The following PRDX1 variants were observed in gnomAD, a reference collection of about 807,000 sequenced individuals.
The protein encoded by PRDX1 is peroxiredoxin-1.
A neutral mutation model predicts 20.7 loss-of-function variants in PRDX1; 19 were observed. The ratio of observed to expected loss-of-function variants is 0.92; its 90% CI spans 0.64 to 1.35. The LOEUF (loss-of-function observed/expected upper bound fraction) is 1.35. Ranked by LOEUF, PRDX1 falls within the 40% of genes most tolerant of loss-of-function variation. PRDX1 has a pLI of 0.00. For synonymous variants in PRDX1, 89 were observed against 83.9 expected (o/e 1.06, Z -0.33); for missense variants, 226 against 240.0 (o/e 0.94, Z 0.38).
At chr1:45,515,368 G>C (rs1018045190) in intron 3 of PRDX1, among the ~76,000 whole-genome samples, 3 of 152,116 alleles carry the variant, frequency 2.0e-5, no homozygotes, top group Non-Finnish European at 4.4e-5. Flanking sequence ...GGGAGGCTGA[G>C]GTGGGCAGAT....
chr1:45,521,691 GGGCCTCCCCC>G (rs1643915034), intron 1 of PRDX1, 128 bp downstream of exon 1: 3 of 152,410 alleles, frequency 2.0e-5, no homozygotes, highest in African/African-American at 7.2e-5. Context: ...CTCGGACTCC[GGGCCTCCCCC>G]GGCTGCCTCA....
intron 4 of PRDX1, 31 bp from the exon 5 acceptor site, chr1:45,514,668 C>T (rs750255896): frequency 8.1e-6 from 13 of 1,611,880 alleles, no homozygotes; most frequent in Non-Finnish European, 1.1e-5. Flanking sequence ...AAAAGCAATA[C>T]AGGTTTAGAG....
chr1:45,513,868 A>T (rs1643805378), intron 5 of PRDX1, among the ~76,000 whole-genome samples: 1 of 152,162 alleles, frequency 6.6e-6, no homozygotes, highest in Non-Finnish European at 1.5e-5. Context: ...CCCATGTGAT[A>T]GTCTGAAATA....
intron 1 of PRDX1, among the ~76,000 whole-genome samples, chr1:45,519,721 T>C (rs1381230720): frequency 1.3e-5 from 2 of 152,224 alleles, no homozygotes; most frequent in Non-Finnish European, 1.5e-5. Flanking sequence ...TCAGCCTCCA[T>C]AGTAGCTGGG....
Position 45,511,255 on chromosome 1 carries a change from G to GA in PRDX1, c.*73_*74insT. On this transcript the variant is annotated 3_prime_UTR_variant, in exon 6 of 6. Coordinates refer to ENST00000319248, the MANE Select transcript of PRDX1 (RefSeq NM_181697.3). ...ATCTGAAGTCTTGTGTTTTACTAAT[G>GA]GAAAAAAAAAATACAGAAGAGGTTT... is the stretch of plus-strand genomic sequence containing the variant. The GA allele has an allele frequency of 1.5e-6, 2 of 1,298,730 alleles. No homozygotes were observed. Among genetic ancestry groups the GA allele is most frequent in the Non-Finnish European group, 2.1e-6 (2 of 938,866 alleles). The allele number at this position is 1,298,730 out of a possible 1,614,324, so 80.5% of individuals were successfully genotyped here.
intron 1 of PRDX1, among the ~76,000 whole-genome samples, chr1:45,519,980 G>C (rs1203734363): frequency 6.6e-6 from 1 of 152,132 alleles, no homozygotes; most frequent in Non-Finnish European, 1.5e-5. Flanking sequence ...GCTCAGGCGG[G>C]CGGATCACCG....
At chr1:45,522,771 C>A (rs1643925116), upstream of PRDX1, 1 of 152,154 alleles carries the variant, frequency 6.6e-6, no homozygotes, top group African/African-American at 2.4e-5. Context: ...GACGGAGTCT[C>A]ACTCACCCTG....
At chr1:45,514,446 AGG>A in intron 5 of PRDX1, 59 bp downstream of exon 5, 1 of 1,592,722 alleles carries the variant, frequency 6.3e-7, no homozygotes, top group Non-Finnish European at 8.6e-7. Flanking sequence ...ACAGGTGTGA[AGG>A]GGCAACCCAC....
chr1:45,514,465 A>G lies in PRDX1; in HGVS notation c.514+42T>C, dbSNP rs760153141. 6.2e-6 allele frequency: 10 copies of G among 1,611,626 alleles called. 2 individuals carry two copies. The South Asian group carries it at 1.1e-4, about 18-fold the overall frequency. On this transcript the variant is annotated intron_variant, in intron 5 of 5. Transcript: ENST00000319248. ...GTGTGAAGGGGCAACCCACCCCTTC[A>G]TACCACCACTCTGTTGTCCTGTTAT... is the stretch of plus-strand genomic sequence containing the variant.
At chr1:45,513,350 T>C (rs993719919) in intron 5 of PRDX1, 2 of 152,232 alleles carry the variant, frequency 1.3e-5, no homozygotes, top group African/African-American at 2.4e-5. Flanking sequence ...GAGAGGAGTA[T>C]GTATACTTTG....
At chr1:45,515,120 G>T in intron 3 of PRDX1, 125 bp from the exon 4 acceptor site, 1 of 1,353,272 alleles carries the variant, frequency 7.4e-7, no homozygotes, top group Non-Finnish European at 1.0e-6. Flanking sequence ...CCGTTTTCCA[G>T]CAATAAAGTG....
rs944935242 is a variant in PRDX1 at position 45,521,847 on chromosome 1, C to T, written c.-30G>A. 6.5e-6 allele frequency: 1 copy of T among 152,804 alleles called. No individual in the cohort carries two copies. Among genetic ancestry groups the T allele is most frequent in the Admixed American group, 6.5e-5 (1 of 15,294 alleles). The allele number at this position is 152,804 out of a possible 1,614,324, so 9.5% of individuals were successfully genotyped here. ...CACTCACCAGTCCCAACACAAGTCGCAGAAACTAACCACCGACACCAGGCA... is the reference window on the plus strand; with the variant it reads ...CACTCACCAGTCCCAACACAAGTCGTAGAAACTAACCACCGACACCAGGCA... On this transcript the variant is annotated 5_prime_UTR_variant, in exon 1 of 6. Coordinates refer to ENST00000319248, the MANE Select transcript of PRDX1 (RefSeq NM_181697.3).
rs769370981 is a variant in PRDX1, at chr1:45,519,003, T to A, written c.41A>T (p.Asn14Ile). ...GNAKIGHPAPNFKATAVMPDG... is the reference protein window; with the variant it reads ...GNAKIGHPAPIFKATAVMPDG... Reference sequence around the variant, plus strand: ...TGGCATAACAGCTGTGGCTTTGAAGTTGGGGGCAGGGTGCCCAATTTTAGC... The same window carrying A: ...TGGCATAACAGCTGTGGCTTTGAAGATGGGGGCAGGGTGCCCAATTTTAGC... The change falls in exon 2 of 6, where the codon AAC (asparagine) becomes ATC (isoleucine). Residue 14 changes from asparagine (N) to isoleucine (I), a missense_variant. Transcript: ENST00000319248. 1.2e-6 allele frequency: 2 copies of A among 1,602,898 alleles called. No homozygotes were observed. The highest frequency in any genetic ancestry group is 2.3e-5 in the South Asian group (2 of 88,054).
At position 45,512,297 on chromosome 1, in the gene PRDX1, G is replaced by A. The variant is rs930588381; in HGVS notation, c.515-883C>T. ...TTGTCGCCCAGGCTGGAGTGCAGTG[G>A]CGCGATCTCAGCTCACTGCAAGCTC... On this transcript the variant is annotated intron_variant, in intron 5 of 5. Transcript: ENST00000319248. 43 of 151,164 alleles carry A rather than the reference G, an allele frequency of 2.8e-4. 1 individual carries two copies. The highest frequency in any genetic ancestry group is 9.7e-4 in the African/African-American group (40 of 41,334). The allele number at this position is 151,164 out of a possible 1,614,324, so 9.4% of individuals were successfully genotyped here.
intron 3 of PRDX1, 43 bp from the exon 4 acceptor site, chr1:45,515,038 C>T (rs1431268732): frequency 1.2e-6 from 2 of 1,606,404 alleles, no homozygotes; most frequent in Non-Finnish European, 1.7e-6. Context: ...AAACTCTTGA[C>T]TTGACTGTAC....
intron 4 of PRDX1, 54 bp downstream of exon 4, chr1:45,514,819 A>G: frequency 6.2e-7 from 1 of 1,610,046 alleles, no homozygotes; most frequent in Non-Finnish European, 8.5e-7. Context: ...AGGGCTCTAG[A>G]TCTCTCCAAA....
At chr1:45,519,981 C>T (rs1643893415) in intron 1 of PRDX1, among the ~76,000 whole-genome samples, 1 of 152,062 alleles carries the variant, frequency 6.6e-6, no homozygotes, top group African/African-American at 2.4e-5. Context: ...CTCAGGCGGG[C>T]GGATCACCGG....
At chr1:45,515,580 CA>C in intron 3 of PRDX1, 73 bp downstream of exon 3, 1 of 1,328,140 alleles carries the variant, frequency 7.5e-7, no homozygotes, top group Non-Finnish European at 9.8e-7. Flanking sequence ...GCCTGGGCGA[CA>C]AAGCAAGACT....
chr1:45,515,009 C>T lies in PRDX1; in HGVS notation c.261-14G>A. 6.2e-7 allele frequency: 1 copy of T among 1,613,672 alleles called. No homozygotes were observed. The highest frequency in any genetic ancestry group is 1.1e-5 in the South Asian group (1 of 90,994). On this transcript the variant is annotated splice_polypyrimidine_tract_variant and intron_variant, in intron 3 of 5. Coordinates refer to ENST00000319248, the MANE Select transcript of PRDX1 (RefSeq NM_181697.3). Reference sequence around the variant, plus strand: ...GGTGTATTGACCCTATGGCAAAAGGCAAACATACAGTTACATTCAAACTCT... The same window carrying T: ...GGTGTATTGACCCTATGGCAAAAGGTAAACATACAGTTACATTCAAACTCT...
Sources: gnomAD v4.1 joint callset for allele counts (sites outside exome capture counted in the v4.1 genomes callset) on GRCh38, gnomAD v4.1.1 for gene constraint, MANE v1.5 for transcripts, NCBI Gene and HGNC (gene_info 2026-07-23, HGNC 2026-07-21) for gene names.